Variants in ALK observed in about 807,000 individuals in gnomAD.
ALK encodes the protein ALK receptor tyrosine kinase.
ALK carries 74 observed loss-of-function variants against 163.1 expected under a neutral mutation model. The observed-to-expected ratio is 0.45, with a 90% CI of 0.38 to 0.55. The LOEUF (loss-of-function observed/expected upper bound fraction) is 0.55. ALK is among the 20% of genes least tolerant of loss of function. The probability of loss-of-function intolerance (pLI) is 0.00; values close to 1 mark genes in which losing one functional copy is unlikely to be tolerated. For missense variants in ALK, 2,063 were observed against 2,105.3 expected (o/e 0.98, Z 0.39); for synonymous variants, 960 against 843.2 (o/e 1.14, Z -2.40).
At chr2:29,340,757 A>G (rs1212800438) in intron 5 of ALK, among the ~76,000 whole-genome samples, 1 of 152,200 alleles carries the variant, frequency 6.6e-6, no homozygotes, top group African/African-American at 2.4e-5. Context: ...CACATGATAA[A>G]CCCATAAGAG....
chr2:29,702,887 G>T (rs1678787938), intron 2 of ALK, among the ~76,000 whole-genome samples: 1 of 152,216 alleles, frequency 6.6e-6, no homozygotes, highest in Non-Finnish European at 1.5e-5. Flanking sequence ...TGACATGTAG[G>T]GATTATGGGA....
chr2:29,825,711 GTGT>G (rs1055017954), intron 1 of ALK, among the ~76,000 whole-genome samples: 1 of 121,130 alleles, frequency 8.3e-6, no homozygotes, highest in African/African-American at 2.6e-5. Flanking sequence ...ATCATTTTGT[GTGT>G]TTTTTTTTTT....
intron 3 of ALK, among the ~76,000 whole-genome samples, chr2:29,624,672 G>A (rs561358990): frequency 2.0e-5 from 3 of 152,314 alleles, no homozygotes; most frequent in African/African-American, 4.8e-5. Flanking sequence ...GGGATGATCC[G>A]TGCAGCAAAC....
chr2:29,642,750 CA>C (rs752611213), intron 3 of ALK, among the ~76,000 whole-genome samples: 30 of 152,224 alleles, frequency 2.0e-4, no homozygotes, highest in Admixed American at 9.2e-4. Flanking sequence ...GCAACAACAA[CA>C]AAAAACCTGT....
At chr2:29,652,963 G>T (rs1214409535) in intron 3 of ALK, among the ~76,000 whole-genome samples, 1 of 152,118 alleles carries the variant, frequency 6.6e-6, no homozygotes, top group African/African-American at 2.4e-5. Context: ...ACCCAAAGTG[G>T]CAATGGTGAG....
chr2:29,473,805 A>G (rs921199844), intron 4 of ALK, among the ~76,000 whole-genome samples: 1 of 152,182 alleles, frequency 6.6e-6, no homozygotes, highest in South Asian at 2.1e-4. Context: ...GCAGTGATCC[A>G]AAATTGCACC....
intron 1 of ALK, among the ~76,000 whole-genome samples, chr2:29,731,788 G>A (rs984543125): frequency 6.6e-6 from 1 of 152,214 alleles, no homozygotes; most frequent in Non-Finnish European, 1.5e-5. Flanking sequence ...AAGCATTAAA[G>A]ATATTTGGAA....
chr2:29,574,297 A>G (rs1674462368), intron 3 of ALK, among the ~76,000 whole-genome samples: 1 of 152,172 alleles, frequency 6.6e-6, no homozygotes, highest in Admixed American at 6.5e-5. Context: ...CCACTTCTCC[A>G]TCCACCTTCC....
At chr2:29,900,033 A>G (rs1667373339) in intron 1 of ALK, among the ~76,000 whole-genome samples, 1 of 152,162 alleles carries the variant, frequency 6.6e-6, no homozygotes, top group Non-Finnish European at 1.5e-5. Context: ...TCGCCTCTTC[A>G]TTGACCTAAA....
At chr2:29,739,828 C>A (rs1680002867) in intron 1 of ALK, among the ~76,000 whole-genome samples, 1 of 151,984 alleles carries the variant, frequency 6.6e-6, no homozygotes, top group South Asian at 2.1e-4. Context: ...CCATTAGAAT[C>A]AAATAATTAG....
At chr2:29,296,321 C>T (rs1014900386) in intron 9 of ALK, among the ~76,000 whole-genome samples, 4 of 152,198 alleles carry the variant, frequency 2.6e-5, no homozygotes, top group African/African-American at 9.7e-5. Context: ...GGACCTGACT[C>T]AACAGAGAAC....
chr2:29,769,722 G>A (rs1285918974), intron 1 of ALK, among the ~76,000 whole-genome samples: 1 of 152,160 alleles, frequency 6.6e-6, no homozygotes, highest in Non-Finnish European at 1.5e-5. Context: ...ACAAAAACGT[G>A]ACATGAAATA....
chr2:29,413,358 T>C (rs1392333896), intron 4 of ALK, among the ~76,000 whole-genome samples: 1 of 152,088 alleles, frequency 6.6e-6, no homozygotes, highest in African/African-American at 2.4e-5. Flanking sequence ...TTATCTTTTT[T>C]TTTTTTGAGA....
intron 5 of ALK, among the ~76,000 whole-genome samples, chr2:29,337,303 G>A (rs1361917524): frequency 1.3e-5 from 2 of 152,166 alleles, no homozygotes; most frequent in Non-Finnish European, 2.9e-5. Flanking sequence ...GTCTTGCTAT[G>A]GATGGCTGCT....
At chr2:29,875,660 C>A (rs974353738) in intron 1 of ALK, among the ~76,000 whole-genome samples, 2 of 152,272 alleles carry the variant, frequency 1.3e-5, no homozygotes, top group South Asian at 4.1e-4. Context: ...TCAATTCCCA[C>A]TTATGAGTGA....
chr2:29,216,933 G>GGGCGTGTGTGT (rs147678836), intron 23 of ALK, among the ~76,000 whole-genome samples: 1 of 140,918 alleles, frequency 7.1e-6, no homozygotes, highest in African/African-American at 2.7e-5. Flanking sequence ...GGTGTGTGGG[G>GGGCGTGTGTGT]GGTGTGTGTG....
intron 1 of ALK, among the ~76,000 whole-genome samples, chr2:29,752,639 C>T (rs1228244049): frequency 6.6e-6 from 1 of 152,062 alleles, no homozygotes; most frequent in African/African-American, 2.4e-5. Flanking sequence ...TGAGCCACCG[C>T]GCCCGGCCGA....
chr2:29,621,324 TA>T (rs1676032987), intron 3 of ALK, among the ~76,000 whole-genome samples: 1 of 152,192 alleles, frequency 6.6e-6, no homozygotes, highest in African/African-American at 2.4e-5. Flanking sequence ...GTAGAAAAGA[TA>T]TCTGTTTTCT....
chr2:29,831,229 A>AGAAGAG (rs1665399885), intron 1 of ALK, among the ~76,000 whole-genome samples: 2 of 50,100 alleles, frequency 4.0e-5, no homozygotes, highest in South Asian at 2.1e-3. Context: ...AAGAGGAAGA[A>AGAAGAG]GAAGAGGAAG....
Sources: gnomAD v4.1 joint callset for allele counts (sites outside exome capture counted in the v4.1 genomes callset) on GRCh38, gnomAD v4.1.1 for gene constraint, MANE v1.5 for transcripts, NCBI Gene and HGNC (gene_info 2026-07-23, HGNC 2026-07-21) for gene names.